ZNF44: variants seen among roughly 807,000 people sequenced by gnomAD.
The protein encoded by ZNF44 is zinc finger protein 44.
Under a neutral mutation model 11.7 loss-of-function variants are expected in ZNF44, and 9 were observed. That is an observed-to-expected ratio of 0.77 (90% CI 0.46 to 1.35). ZNF44 has a LOEUF of 1.35. Among genes scored for constraint, ZNF44 ranks in the 40% most tolerant of loss-of-function variants. The pLI is 0.00. For missense variants in ZNF44, 696 were observed against 743.1 expected, an observed-to-expected ratio of 0.94 and a Z score of 0.74; for synonymous variants, 224 against 242.7, an observed-to-expected ratio of 0.92 and a Z score of 0.72.
chr19:12,253,540 C>T (rs1056613419), intron 5 of ZNF44, among the ~76,000 whole-genome samples: 6 of 152,008 alleles, frequency 3.9e-5, no homozygotes, highest in South Asian at 2.1e-4. Context: ...TAATCTTTAG[C>T]GTACATGTGC....
upstream of ZNF44, among the ~76,000 whole-genome samples, chr19:12,239,568 ATTTTT>A (rs1158604076): frequency 0.099 from 7,562 of 76,228 alleles, 781 homozygotes; most frequent in African/African-American, 0.31. Context: ...CCCAAGTTGC[ATTTTT>A]TTTTTTTTTT....
chr19:12,294,363 G>A (rs979214158), intron 1 of ZNF44, among the ~76,000 whole-genome samples: 5 of 152,224 alleles, frequency 3.3e-5, no homozygotes, highest in Non-Finnish European at 7.3e-5. Context: ...CTCGGCGTCC[G>A]GGTGCAGTGA....
chr19:12,225,373 C>CTT (rs2145668960), downstream of ZNF44: 1 of 152,316 alleles, frequency 6.6e-6, no homozygotes, highest in East Asian at 1.9e-4. Flanking sequence ...CCCATGCTAT[C>CTT]TATGATTTTG....
rs1968167827 is a variant in ZNF44, at chr19:12,294,602, C to T, written c.3+90G>A. 6.0e-6 allele frequency: 9 copies of T among 1,501,526 alleles called. No individual in the cohort carries two copies. The East Asian group carries it at 1.3e-4, about 21-fold the overall frequency. 93.0% of individuals were successfully genotyped at this position (1,501,526 alleles called of 1,614,324 possible). The stretch of plus-strand genomic sequence containing the variant: ...CAGGTCCCAGACCCCAAAGACGCTG[C>T]GGCGAGGCCCGGGTCCCGCCACAGC... On this transcript the variant is annotated intron_variant, in intron 1 of 3. Transcript: ENST00000355684.
intron 5 of ZNF44, among the ~76,000 whole-genome samples, chr19:12,251,455 C>T (rs988775448): frequency 1.3e-5 from 2 of 151,928 alleles, no homozygotes; most frequent in African/African-American, 4.8e-5. Context: ...GATAGCACCA[C>T]TTCTCTCCAC....
At chr19:12,247,847 C>T (rs1168324301) in exon 8 of ZNF44, 1 of 1,302,310 alleles carries the variant, frequency 7.7e-7, no homozygotes, top group South Asian at 1.2e-5. Flanking sequence ...TTTTCCCACA[C>T]AGTTTACATT....
chr19:12,263,871 G>T (rs1281200597), intron 5 of ZNF44, among the ~76,000 whole-genome samples: 2 of 149,930 alleles, frequency 1.3e-5, no homozygotes, highest in Non-Finnish European at 2.9e-5. Context: ...CTTCCAGTGA[G>T]CCGAGATGGC....
At chr19:12,251,744 G>A (rs911537817) in intron 5 of ZNF44, among the ~76,000 whole-genome samples, 4 of 152,082 alleles carry the variant, frequency 2.6e-5, no homozygotes, top group Non-Finnish European at 4.4e-5. Context: ...TGACCTTGAG[G>A]AACAGGTTAA....
chr19:12,287,863 G>A (rs969053929), intron 1 of ZNF44, among the ~76,000 whole-genome samples: 1 of 152,188 alleles, frequency 6.6e-6, no homozygotes, highest in African/African-American at 2.4e-5. Context: ...TGGATGGTAT[G>A]TTAATGGTAG....
downstream of ZNF44, among the ~76,000 whole-genome samples, chr19:12,267,912 C>T (rs2145714342): frequency 6.6e-6 from 1 of 150,404 alleles, no homozygotes; most frequent in South Asian, 2.1e-4. Flanking sequence ...TCTCGGTTCA[C>T]TGCAAACTCT....
intron 1 of ZNF44, among the ~76,000 whole-genome samples, chr19:12,279,554 C>T (rs920309047): frequency 7.9e-6 from 1 of 126,408 alleles, no homozygotes; most frequent in African/African-American, 3.7e-5. Flanking sequence ...TTAATGGAAA[C>T]AATTTGAGAT....
At chr19:12,294,245 C>A (rs930756685) in intron 1 of ZNF44, among the ~76,000 whole-genome samples, 2 of 152,178 alleles carry the variant, frequency 1.3e-5, no homozygotes, top group African/African-American at 4.8e-5. Flanking sequence ...AACCAGCGAC[C>A]CCACATCCCA....
intron 7 of ZNF44, among the ~76,000 whole-genome samples, chr19:12,249,726 A>G (rs562076450): frequency 6.6e-6 from 1 of 151,846 alleles, no homozygotes; most frequent in African/African-American, 2.4e-5. Context: ...CTAATTTTGT[A>G]TTTTTAGTAG....
chr19:12,264,988 G>A (rs1917668700), intron 5 of ZNF44, among the ~76,000 whole-genome samples: 2 of 152,040 alleles, frequency 1.3e-5, no homozygotes. Context: ...ATGAGTCACT[G>A]TGCCCAGCCA....
intron 7 of ZNF44, among the ~76,000 whole-genome samples, chr19:12,249,363 G>A (rs935727572): frequency 1.1e-4 from 17 of 150,916 alleles, no homozygotes; most frequent in Non-Finnish European, 1.6e-4. Flanking sequence ...AAAATTAGCC[G>A]GGCGTGGTGG....
downstream of ZNF44, among the ~76,000 whole-genome samples, chr19:12,245,137 C>A (rs1022623764): frequency 6.6e-6 from 1 of 151,972 alleles, no homozygotes; most frequent in African/African-American, 2.4e-5. Flanking sequence ...TTTACATTTT[C>A]TTTAACATTT....
chr19:12,282,660 T>C (rs1157007745), intron 1 of ZNF44, among the ~76,000 whole-genome samples: 2 of 152,088 alleles, frequency 1.3e-5, no homozygotes, highest in Non-Finnish European at 2.9e-5. Flanking sequence ...TGACCTGAGG[T>C]GATCCGCCCA....
intron 5 of ZNF44, chr19:12,260,080 A>G: frequency 1.7e-6 from 1 of 571,546 alleles, no homozygotes; most frequent in Admixed American, 2.2e-5. Flanking sequence ...CAACTTCACT[A>G]TAAATACACA....
chr19:12,228,174 C>G (rs1915998551), intron 3 of ZNF44, among the ~76,000 whole-genome samples: 1 of 105,716 alleles, frequency 9.5e-6, no homozygotes. Context: ...AATTGTTTAA[C>G]TTAACTTTTT....
Sources: gnomAD v4.1 joint callset for allele counts (sites outside exome capture counted in the v4.1 genomes callset) on GRCh38, gnomAD v4.1.1 for gene constraint, MANE v1.5 for transcripts, NCBI Gene and HGNC (gene_info 2026-07-23, HGNC 2026-07-21) for gene names.